Variants in ENOX1 observed in about 807,000 individuals in gnomAD.
ENOX1 encodes candidate growth-related and time keeping constitutive hydroquinone (NADH) oxidase.
ENOX1 carries 42 observed loss-of-function variants against 82.5 expected under a neutral mutation model. That is an observed-to-expected ratio of 0.51 (90% CI 0.40 to 0.66). ENOX1 has a LOEUF of 0.66. Ranked by LOEUF, ENOX1 falls within the 30% of genes least tolerant of loss-of-function variation. The pLI is 0.00. For missense variants in ENOX1, 608 were observed against 811.6 expected (o/e 0.75, Z 3.05); for synonymous variants, 271 against 282.2 (o/e 0.96, Z 0.40).
intron 2 of ENOX1, among the ~76,000 whole-genome samples, chr13:43,611,513 C>T (rs1243523811): frequency 6.6e-6 from 1 of 152,158 alleles, no homozygotes; most frequent in Non-Finnish European, 1.5e-5. Context: ...TGATGAAGAT[C>T]CACAATACTC....
chr13:43,403,452 T>A (rs2053610543), intron 5 of ENOX1, among the ~76,000 whole-genome samples: 1 of 152,248 alleles, frequency 6.6e-6, no homozygotes, highest in Non-Finnish European at 1.5e-5. Context: ...ATCTTTGATT[T>A]GCTTTAAGTG....
intron 2 of ENOX1, among the ~76,000 whole-genome samples, chr13:43,581,690 G>A (rs1251492829): frequency 6.6e-6 from 1 of 152,170 alleles, no homozygotes; most frequent in Non-Finnish European, 1.5e-5. Context: ...GTCAAAATGA[G>A]CTGGAAGACT....
At chr13:43,412,561 T>G (rs2054198501) in intron 4 of ENOX1, among the ~76,000 whole-genome samples, 1 of 152,214 alleles carries the variant, frequency 6.6e-6, no homozygotes, top group Non-Finnish European at 1.5e-5. Context: ...ATTATTACAC[T>G]AAGAAAATAC....
intron 2 of ENOX1, among the ~76,000 whole-genome samples, chr13:43,616,664 CT>C (rs1011471078): frequency 2.0e-4 from 31 of 152,104 alleles, no homozygotes; most frequent in African/African-American, 7.0e-4. Flanking sequence ...TGGTTCATAT[CT>C]TACTCTTCTT....
intron 9 of ENOX1, among the ~76,000 whole-genome samples, chr13:43,332,820 A>T (rs2048482081): frequency 1.3e-5 from 2 of 152,212 alleles, no homozygotes; most frequent in South Asian, 4.2e-4. Flanking sequence ...GATTACCCCT[A>T]CTGACTAAAT....
At chr13:43,522,395 C>T (rs2077809440) in intron 2 of ENOX1, among the ~76,000 whole-genome samples, 2 of 151,940 alleles carry the variant, frequency 1.3e-5, no homozygotes, top group Non-Finnish European at 2.9e-5. Flanking sequence ...AAAAATAACC[C>T]CTAATCCATT....
intron 1 of ENOX1, among the ~76,000 whole-genome samples, chr13:43,672,836 T>C (rs1258280120): frequency 6.6e-6 from 1 of 152,192 alleles, no homozygotes; most frequent in East Asian, 1.9e-4. Context: ...TTCATCCTTA[T>C]TTCCAGAAAG....
rs538773981 is a variant in ENOX1 at position 43,520,070 on chromosome 13, A to C, written c.-218-35918T>G. Among the ~76,000 whole-genome samples the C allele has an allele frequency of 5.9e-5, 9 of 152,316 alleles. No individual in the cohort carries two copies. The East Asian group carries it at 1.7e-3, about 29-fold the overall frequency. On this transcript the variant is annotated intron_variant, in intron 2 of 16. Transcript: ENST00000690772. ...CCCCATTCATCTTAGTGTTCCCAGAACCTAGCAAAGTGCTTAGCTCATAGT... is the reference window on the plus strand; with the variant it reads ...CCCCATTCATCTTAGTGTTCCCAGACCCTAGCAAAGTGCTTAGCTCATAGT...
chr13:43,221,642 G>A lies in ENOX1; in HGVS notation c.1800+2411C>T, dbSNP rs142443106. Among the ~76,000 whole-genome samples the A allele has an allele frequency of 1.4e-4, 22 of 152,266 alleles. No homozygotes were observed. The East Asian group carries it at 4.2e-3, about 29-fold the overall frequency. On this transcript the variant is annotated intron_variant, in intron 16 of 16. Coordinates refer to ENST00000690772, the MANE Select transcript of ENOX1 (RefSeq NM_001347969.2). ...CAAGAAGAGAAAAATATGCAAATATGCAAATATCAACAGCAGGAATAATAT... is the reference window on the plus strand; with the variant it reads ...CAAGAAGAGAAAAATATGCAAATATACAAATATCAACAGCAGGAATAATAT...
chr13:43,750,483 T>C (rs2153830814), intron 1 of ENOX1, among the ~76,000 whole-genome samples: 1 of 152,310 alleles, frequency 6.6e-6, no homozygotes, highest in Non-Finnish European at 1.5e-5. Flanking sequence ...CTTTAGTGCT[T>C]GTACCATGGC....
At position 43,265,431 on chromosome 13, in the gene ENOX1, G is replaced by A. The variant is rs149512325; in HGVS notation, c.1578C>T (p.Val526=). The A allele has an allele frequency of 1.9e-6, 3 of 1,611,768 alleles. No homozygotes were observed. Among genetic ancestry groups the A allele is most frequent in the South Asian group, 1.1e-5 (1 of 90,464 alleles). Residue 526 remains valine, a synonymous_variant, in exon 14 of 17, where the codon GTC becomes GTT. Transcript: ENST00000690772. ...CCTCATGGCTGTGGCCATTGGTCTC[G>A]ACCAATTCCTTGGTACCTTTTAACT... The part of the protein sequence containing the change: ...QEQLKGTKEL[V]ETNGHSHEDS...
rs1236693847 is a variant in ENOX1 at position 43,249,446 on chromosome 13, A to G, written c.1612-12708T>C. ...AGCAAACAGAAGACATTCAAGTGAAATACTTTTTAAAAATGTATGTATGTG... is the reference window on the plus strand; with the variant it reads ...AGCAAACAGAAGACATTCAAGTGAAGTACTTTTTAAAAATGTATGTATGTG... On this transcript the variant is annotated intron_variant, in intron 14 of 16. Transcript: ENST00000690772. 2.6e-5 allele frequency among the ~76,000 whole-genome samples: 4 copies of G among 152,222 alleles called. No individual in the cohort carries two copies. The East Asian group carries it at 7.7e-4, about 29-fold the overall frequency.
chr13:43,575,521 C>T (rs75073116), intron 2 of ENOX1, among the ~76,000 whole-genome samples: 10,124 of 152,248 alleles, frequency 0.066, 377 homozygotes, highest in Admixed American at 0.096. Flanking sequence ...GTTCAGGTCA[C>T]ACCTTCCTGA....
chr13:43,265,271 A>G, intron 14 of ENOX1, 127 bp downstream of exon 14: 1 of 714,630 alleles, frequency 1.4e-6, no homozygotes, highest in East Asian at 2.7e-5. Flanking sequence ...CCAAACCCAT[A>G]TATTAATCTT....
chr13:43,479,398 G>A (rs376698394), intron 3 of ENOX1, among the ~76,000 whole-genome samples: 9 of 151,850 alleles, frequency 5.9e-5, no homozygotes, highest in South Asian at 4.2e-4. Context: ...TACCCTTTCC[G>A]TTCTCAGTAA....
At chr13:43,455,137 T>C (rs2057167360) in intron 3 of ENOX1, among the ~76,000 whole-genome samples, 1 of 152,220 alleles carries the variant, frequency 6.6e-6, no homozygotes. Context: ...GGTGAATTTG[T>C]TGAGACCTCA....
At chr13:43,620,587 TA>T (rs1182962843) in intron 2 of ENOX1, among the ~76,000 whole-genome samples, 1 of 152,196 alleles carries the variant, frequency 6.6e-6, no homozygotes, top group Non-Finnish European at 1.5e-5. Flanking sequence ...TTTCCAGTTT[TA>T]TTCCACTGTG....
chr13:43,309,938 T>G (rs2047094654), intron 11 of ENOX1, among the ~76,000 whole-genome samples: 1 of 152,174 alleles, frequency 6.6e-6, no homozygotes, highest in Non-Finnish European at 1.5e-5. Context: ...GCGTGGTGGC[T>G]CACGCCTGTA....
At chr13:43,718,117 A>T (rs2088279288) in intron 1 of ENOX1, among the ~76,000 whole-genome samples, 1 of 152,196 alleles carries the variant, frequency 6.6e-6, no homozygotes, top group East Asian at 1.9e-4. Context: ...AATAGCAGAG[A>T]TGTGGACTCA....
Sources: allele counts gnomAD v4.1 joint callset (sites outside exome capture counted in the v4.1 genomes callset), GRCh38; gene constraint gnomAD v4.1.1; transcripts MANE v1.5; gene names NCBI Gene and HGNC (gene_info 2026-07-23, HGNC 2026-07-21).